The following FOXP2 variants were observed in gnomAD, a reference collection of about 807,000 sequenced individuals.
The protein encoded by FOXP2 is forkhead box P2.
In FOXP2, 12 loss-of-function variants were observed where a neutral mutation model predicts 115.8. That is an observed-to-expected ratio of 0.10 (90% CI 0.07 to 0.17). The LOEUF (loss-of-function observed/expected upper bound fraction) is 0.17. FOXP2 is among the 10% of genes least tolerant of loss of function. The pLI, the probability that FOXP2 is intolerant of heterozygous loss-of-function variation, is 1.00. For synonymous variants in FOXP2, 328 were observed against 297.7 expected, an observed-to-expected ratio of 1.10 and a Z score of -1.05; for missense variants, 629 against 843.5, an observed-to-expected ratio of 0.75 and a Z score of 3.15.
At chr7:114,536,397 C>CTTTTTTTT (rs3997242) in intron 3 of FOXP2, among the ~76,000 whole-genome samples, 32 of 112,302 alleles carry the variant, frequency 2.8e-4, no homozygotes, top group Admixed American at 8.5e-4. Flanking sequence ...TTTTTCTTTT[C>CTTTTTTTT]TTTTTTTTTT....
intron 8 of FOXP2, among the ~76,000 whole-genome samples, chr7:114,649,620 T>A (rs1255734644): frequency 6.6e-6 from 1 of 152,136 alleles, no homozygotes; most frequent in Non-Finnish European, 1.5e-5. Flanking sequence ...ATACTTAGCC[T>A]ATTTATTTAG....
At chr7:114,531,240 G>A (rs1203369623) in intron 2 of FOXP2, among the ~76,000 whole-genome samples, 4 of 151,884 alleles carry the variant, frequency 2.6e-5, no homozygotes, top group South Asian at 4.1e-4. Context: ...TGACTAGATG[G>A]CGCAGAGAAC....
At chr7:114,550,783 T>C (rs887886440) in intron 3 of FOXP2, among the ~76,000 whole-genome samples, 4 of 152,180 alleles carry the variant, frequency 2.6e-5, no homozygotes, top group African/African-American at 9.6e-5. Context: ...ATAGTCAAAA[T>C]AGCCTTAATT....
Position 114,517,233 on chromosome 7 carries a change from T to C in FOXP2, c.169-17384T>C, listed in dbSNP as rs1474305857. Among the ~76,000 whole-genome samples the C allele has an allele frequency of 1.3e-5, 2 of 152,196 alleles. 1 individual carries two copies. Among genetic ancestry groups the C allele is most frequent in the Non-Finnish European group, 2.9e-5 (2 of 68,038 alleles). On this transcript the variant is annotated intron_variant, in intron 2 of 16. Transcript: ENST00000350908. ...ATTATTGAGTTGTTTGAAGTTCTCA[T>C]ATATGTTGAATATTTAACTTACTAG...
intron 2 of FOXP2, among the ~76,000 whole-genome samples, chr7:114,523,124 G>A (rs986613563): frequency 2.0e-5 from 3 of 151,956 alleles, no homozygotes; most frequent in Non-Finnish European, 4.4e-5. Flanking sequence ...TGAGCTTTGT[G>A]TTTCACAATT....
intron 2 of FOXP2, among the ~76,000 whole-genome samples, chr7:114,314,377 G>C (rs999927792): frequency 8.6e-5 from 13 of 151,756 alleles, no homozygotes; most frequent in Non-Finnish European, 2.9e-5. Context: ...GCTGTCTTTT[G>C]CTTAGTAAGC....
intron 1 of FOXP2, among the ~76,000 whole-genome samples, chr7:114,217,893 G>A (rs117079314): frequency 0.011 from 1,648 of 152,232 alleles, 23 homozygotes; most frequent in Admixed American, 0.017. Flanking sequence ...TTTAATTTTA[G>A]CAAGTATCCC....
At chr7:114,625,439 G>T (rs1020553680) in intron 3 of FOXP2, among the ~76,000 whole-genome samples, 1 of 151,616 alleles carries the variant, frequency 6.6e-6, no homozygotes, top group Non-Finnish European at 1.5e-5. Flanking sequence ...ACTTGCTAAG[G>T]TATATGTATT....
chr7:114,596,248 AC>A (rs1437014275), intron 3 of FOXP2, among the ~76,000 whole-genome samples: 1 of 151,970 alleles, frequency 6.6e-6, no homozygotes, highest in African/African-American at 2.4e-5. Context: ...TTTTTCATTG[AC>A]CACTTGGTTG....
intron 1 of FOXP2, among the ~76,000 whole-genome samples, chr7:114,279,204 T>TAACAA (rs777665857): frequency 3.3e-5 from 5 of 152,174 alleles, no homozygotes; most frequent in Non-Finnish European, 7.3e-5. Flanking sequence ...AACGTTTTTA[T>TAACAA]AACAAAACAT....
rs542840987 is a variant in FOXP2 at position 114,660,164 on chromosome 7, A to G, written c.1647+491A>G. Reference sequence around the variant, plus strand: ...GGAACTAAAAGAAAGTAAAGTGAATATTATCCTGTCAGAACATAAATGCAG... The same window carrying G: ...GGAACTAAAAGAAAGTAAAGTGAATGTTATCCTGTCAGAACATAAATGCAG... On this transcript the variant is annotated intron_variant, in intron 13 of 16. Transcript: ENST00000350908. Among the ~76,000 whole-genome samples, 4 of 152,248 alleles carry G rather than the reference A, an allele frequency of 2.6e-5. No homozygotes were observed. The East Asian group carries it at 7.7e-4, about 29-fold the overall frequency.
intron 3 of FOXP2, among the ~76,000 whole-genome samples, chr7:114,573,964 A>T (rs577919062): frequency 4.0e-4 from 61 of 151,820 alleles, no homozygotes; most frequent in African/African-American, 1.4e-3. Context: ...GTGCAATAAA[A>T]ATATTTTTTC....
At chr7:114,561,779 T>G (rs1285497678) in intron 3 of FOXP2, among the ~76,000 whole-genome samples, 1 of 151,324 alleles carries the variant, frequency 6.6e-6, no homozygotes. Context: ...TTGTTGTTTT[T>G]GGTGTTGGGT....
intron 2 of FOXP2, among the ~76,000 whole-genome samples, chr7:114,407,858 T>C (rs1793071986): frequency 6.6e-6 from 1 of 152,100 alleles, no homozygotes; most frequent in African/African-American, 2.4e-5. Flanking sequence ...GAACCAGCAT[T>C]CTAGCATCAT....
At chr7:114,563,049 T>C (rs1253015041) in intron 3 of FOXP2, among the ~76,000 whole-genome samples, 1 of 152,086 alleles carries the variant, frequency 6.6e-6, no homozygotes, top group African/African-American at 2.4e-5. Context: ...GAAGAGAGCA[T>C]GTGCAGGGAC....
At chr7:114,446,629 T>G (rs1794845457) in intron 2 of FOXP2, among the ~76,000 whole-genome samples, 1 of 152,060 alleles carries the variant, frequency 6.6e-6, no homozygotes, top group South Asian at 2.1e-4. Context: ...CACCTCCCAT[T>G]AAAAGATATG....
intron 1 of FOXP2, among the ~76,000 whole-genome samples, chr7:114,098,729 A>G (rs1584477640): frequency 6.6e-6 from 1 of 152,224 alleles, no homozygotes; most frequent in East Asian, 1.9e-4. Flanking sequence ...GGACAACTAA[A>G]AAGCTTTTCC....
intron 3 of FOXP2, among the ~76,000 whole-genome samples, chr7:114,617,702 A>T (rs1189079250): frequency 6.6e-6 from 1 of 152,206 alleles, no homozygotes; most frequent in Non-Finnish European, 1.5e-5. Flanking sequence ...CTAAGGCTGG[A>T]AAATTGCTTG....
At position 114,690,121 on chromosome 7, in the gene FOXP2, T is replaced by G; in HGVS notation, c.*195T>G. 1.6e-6 allele frequency: 1 copy of G among 613,170 alleles called. No individual in the cohort carries two copies. The allele number at this position is 613,170 out of a possible 1,614,324, so 38.0% of individuals were successfully genotyped here. A position where few individuals can be genotyped will look rare whatever the true frequency, so the allele number is the denominator to read the frequency against. On this transcript the variant is annotated 3_prime_UTR_variant, in exon 17 of 17. Transcript: ENST00000350908. ...AGGCAAATTGCTTGTTTTCTTCTTC[T>G]TCTTCTTCTTTTTTTTTTTTTTTTT...
Sources: allele counts gnomAD v4.1 joint callset (sites outside exome capture counted in the v4.1 genomes callset), GRCh38; gene constraint gnomAD v4.1.1; transcripts MANE v1.5; gene names NCBI Gene and HGNC (gene_info 2026-07-23, HGNC 2026-07-21).